The following FAM117A variants were observed in gnomAD, a reference collection of about 807,000 sequenced individuals.
FAM117A encodes the protein family with sequence similarity 117 member A.
In FAM117A, 21 loss-of-function variants were observed where a neutral mutation model predicts 44.1. The observed-to-expected ratio is 0.48, with a 90% CI of 0.34 to 0.69. The LOEUF is 0.69. Ranked by LOEUF, FAM117A falls within the 30% of genes least tolerant of loss-of-function variation. The probability of loss-of-function intolerance (pLI) is 0.01; values close to 1 mark genes in which losing one functional copy is unlikely to be tolerated. For synonymous variants in FAM117A, 220 were observed against 238.3 expected (o/e 0.92, Z 0.71); for missense variants, 498 against 589.9 (o/e 0.84, Z 1.61).
rs769695784 is a variant in FAM117A at position 49,764,100 on chromosome 17, T to G, written c.-13A>C. ...CGGCCCCCGCCATGGCTCTCCCGGC[T>G]GCCTGCCTCAGCCCCACTGCGAGAC... On this transcript the variant is annotated 5_prime_UTR_variant, in exon 1 of 8. Transcript: ENST00000240364. 8.9e-6 allele frequency: 11 copies of G among 1,235,652 alleles called. No individual in the cohort carries two copies. Among genetic ancestry groups the G allele is most frequent in the East Asian group, 3.2e-5 (1 of 31,660 alleles). The allele number at this position is 1,235,652 out of a possible 1,614,324, so 76.5% of individuals were successfully genotyped here.
chr17:49,714,334 CTTTT>C (rs541335118), intron 7 of FAM117A, among the ~76,000 whole-genome samples: 2 of 139,208 alleles, frequency 1.4e-5, no homozygotes. Flanking sequence ...CACCACCACT[CTTTT>C]TTTTTTTTTT....
chr17:49,768,228 T>C (rs979399250), upstream of FAM117A, among the ~76,000 whole-genome samples: 1 of 152,100 alleles, frequency 6.6e-6, no homozygotes, highest in African/African-American at 2.4e-5. Flanking sequence ...CAGGGAAGCC[T>C]TACCCTGCTG....
At chr17:49,753,937 C>T (rs373627183) in intron 1 of FAM117A, among the ~76,000 whole-genome samples, 1 of 152,166 alleles carries the variant, frequency 6.6e-6, no homozygotes, top group Non-Finnish European at 1.5e-5. Flanking sequence ...TCTGTGAACA[C>T]GGAACTACTC....
Position 49,716,209 on chromosome 17 carries a change from C to A in FAM117A, c.1017G>T (p.Glu339Asp), listed in dbSNP as rs986107693. The A allele has an allele frequency of 3.1e-6, 5 of 1,608,748 alleles. No homozygotes were observed. The African/African-American group carries it at 5.3e-5, about 17-fold the overall frequency. ...GCACTTTCTCACAGCCTTCTGGGGG[C>A]TCCCGTTTGAAGATGTAGCTATGAT... ...RPNHSYIFKREPPEGCEKVRV... is the reference protein window; with the variant it reads ...RPNHSYIFKRDPPEGCEKVRV... The change falls in exon 7 of 8, where the codon GAG (glutamate) becomes GAT (aspartate). Residue 339 changes from glutamate (E) to aspartate (D), a missense_variant. Physicochemically the swap from Glu to Asp is conservative, Grantham distance 45. Around this residue, in one of 3 missense-constraint regions of FAM117A, gnomAD observed 224 missense variants for 296.5 expected, o/e 0.76. Transcript: ENST00000240364.
intron 2 of FAM117A, among the ~76,000 whole-genome samples, chr17:49,728,543 A>G (rs1272435044): frequency 6.6e-6 from 1 of 152,156 alleles, no homozygotes; most frequent in Non-Finnish European, 1.5e-5. Flanking sequence ...TGGGCTAGGC[A>G]GGACAGGTAC....
At chr17:49,728,286 G>C (rs957395643) in intron 2 of FAM117A, among the ~76,000 whole-genome samples, 2 of 152,158 alleles carry the variant, frequency 1.3e-5, no homozygotes, top group East Asian at 3.8e-4. Context: ...GCACTGGCTT[G>C]GGAAAACAGG....
chr17:49,737,964 T>C (rs2073617952), intron 1 of FAM117A, among the ~76,000 whole-genome samples: 1 of 152,198 alleles, frequency 6.6e-6, no homozygotes, highest in Non-Finnish European at 1.5e-5. Flanking sequence ...GGAGGATGAA[T>C]TGCTTTTGTA....
At chr17:49,774,001 G>A (rs2073769017) in intron 1 of FAM117A, among the ~76,000 whole-genome samples, 1 of 152,182 alleles carries the variant, frequency 6.6e-6, no homozygotes, top group African/African-American at 2.4e-5. Flanking sequence ...CAATCTGCCC[G>A]CCTTGGCCTC....
intron 1 of FAM117A, among the ~76,000 whole-genome samples, chr17:49,751,682 G>C (rs538151664): frequency 1.3e-5 from 2 of 152,120 alleles, no homozygotes; most frequent in East Asian, 3.9e-4. Flanking sequence ...AGTGGCTCAC[G>C]TCTGTAATCC....
intron 1 of FAM117A, among the ~76,000 whole-genome samples, chr17:49,784,545 G>A (rs767456774): frequency 2.0e-5 from 3 of 151,974 alleles, no homozygotes; most frequent in African/African-American, 4.8e-5. Flanking sequence ...TACCCTCCCC[G>A]GCACCCATAG....
chr17:49,783,922 G>C (rs1207441381), intron 1 of FAM117A, among the ~76,000 whole-genome samples: 1 of 152,204 alleles, frequency 6.6e-6, no homozygotes, highest in African/African-American at 2.4e-5. Flanking sequence ...AGAGGAGAGA[G>C]CATGGCTGGT....
intron 1 of FAM117A, among the ~76,000 whole-genome samples, chr17:49,773,916 G>A (rs1390417291): frequency 6.6e-6 from 1 of 152,106 alleles, no homozygotes; most frequent in Non-Finnish European, 1.5e-5. Context: ...ACCACGCCCA[G>A]CTAATTTTTG....
chr17:49,720,740 G>A (rs1418319867), intron 3 of FAM117A, among the ~76,000 whole-genome samples: 1 of 149,890 alleles, frequency 6.7e-6, no homozygotes. Context: ...TTTTTTTTGA[G>A]ACTGAGTCTC....
chr17:49,788,932 G>T, upstream of FAM117A: 1 of 1,315,704 alleles, frequency 7.6e-7, no homozygotes, highest in Admixed American at 2.6e-5. Context: ...GCCTCACAGT[G>T]CTTGGGTCCC....
chr17:49,785,422 G>A (rs2073802752), intron 1 of FAM117A, among the ~76,000 whole-genome samples: 1 of 152,178 alleles, frequency 6.6e-6, no homozygotes, highest in African/African-American at 2.4e-5. Flanking sequence ...TGACGTGGGA[G>A]GATCGCTTGG....
At chr17:49,781,328 G>A (rs1189477174) in intron 1 of FAM117A, among the ~76,000 whole-genome samples, 1 of 152,188 alleles carries the variant, frequency 6.6e-6, no homozygotes, top group East Asian at 1.9e-4. Flanking sequence ...CATTTGGGGT[G>A]CCATTTTCAT....
At chr17:49,781,784 C>T (rs903863849) in intron 1 of FAM117A, among the ~76,000 whole-genome samples, 1 of 151,952 alleles carries the variant, frequency 6.6e-6, no homozygotes, top group African/African-American at 2.4e-5. Context: ...TGAGACCAGC[C>T]TAGGTAACAT....
upstream of FAM117A, chr17:49,788,821 C>A: frequency 1.3e-6 from 2 of 1,582,096 alleles, no homozygotes; most frequent in Non-Finnish European, 1.7e-6. Context: ...ACCGTCGGGC[C>A]GCAGCCGCCG....
rs1217383904 is a variant in FAM117A at position 49,719,871 on chromosome 17, T to C, written c.597A>G (p.Ser199=). 6.2e-7 allele frequency: 1 copy of C among 1,606,182 alleles called. No homozygotes were observed. The highest frequency in any genetic ancestry group is 1.3e-5 in the African/African-American group (1 of 74,518). Residue 199 remains serine (S), a synonymous_variant, in exon 5 of 8, where the codon TCA becomes TCG. Transcript: ENST00000240364. Reference sequence around the variant, plus strand: ...GGCTGAGTCGCAAGACAGGGGACCCTGAGGGGAAGCTGGGAGGGGACGCCT... The same window carrying C: ...GGCTGAGTCGCAAGACAGGGGACCCCGAGGGGAAGCTGGGAGGGGACGCCT... The part of the protein sequence containing the change: ...ALRASPPSFP[S]GSPVLRLSPC...
Sources: allele counts gnomAD v4.1 joint callset (sites outside exome capture counted in the v4.1 genomes callset), GRCh38; gene constraint gnomAD v4.1.1; regional missense constraint gnomAD v4.1.1; transcripts MANE v1.5; gene names NCBI Gene and HGNC (gene_info 2026-07-23, HGNC 2026-07-21).